Variants in TSBP1 observed in about 807,000 individuals in gnomAD.
The protein encoded by TSBP1 is testis expressed basic protein 1, also known as testis-expressed basic protein 1.
Under a neutral mutation model 68.8 loss-of-function variants are expected in TSBP1, and 56 were observed. The observed-to-expected ratio is 0.81, with a 90% CI of 0.66 to 1.02. The LOEUF (loss-of-function observed/expected upper bound fraction) is 1.02. Among genes scored for constraint, TSBP1 ranks in the 50% least tolerant of loss-of-function variants. The pLI is 0.00. For synonymous variants in TSBP1, 171 were observed against 208.7 expected (o/e 0.82, Z 1.56); for missense variants, 502 against 641.2 (o/e 0.78, Z 2.34).
rs1394057553 is a variant in TSBP1, at chr6:32,365,666, G to A, written c.217+501C>T. 1.1e-5 allele frequency: 5 copies of A among 453,390 alleles called. No homozygotes were observed. Among genetic ancestry groups the A allele is most frequent in the African/African-American group, 2.0e-5 (1 of 50,040 alleles). The allele number at this position is 453,390 out of a possible 1,614,324, so 28.1% of individuals were successfully genotyped here. A position where few individuals can be genotyped will look rare whatever the true frequency, so the allele number is the denominator to read the frequency against. On this transcript the variant is annotated intron_variant, in intron 6 of 22. Coordinates refer to ENST00000612031, the Ensembl canonical transcript of TSBP1. The surrounding 1 kb of genome is among the most constrained non-coding windows in gnomAD (Gnocchi z 4.3). ...AGTTCTGCACATTTTTTCTGTGGGAGAAATTGTGGGCCAAGTGGGTCTGTC... is the reference window on the plus strand; with the variant it reads ...AGTTCTGCACATTTTTTCTGTGGGAAAAATTGTGGGCCAAGTGGGTCTGTC...
At chr6:32,362,720 C>T (rs571962267) in intron 6 of TSBP1, among the ~76,000 whole-genome samples, 2 of 152,266 alleles carry the variant, frequency 1.3e-5, no homozygotes, top group African/African-American at 4.8e-5. Context: ...TTGCAAAGAC[C>T]AATGTCATGG....
rs927318940 is a variant in TSBP1, at chr6:32,348,495, A to T, written c.349+1245T>A. Reference sequence around the variant, plus strand: ...ATTTTATATTAATTTACATTTTAAGATTTTCAAATTACATTTTAAAAATTG... The same window carrying T: ...ATTTTATATTAATTTACATTTTAAGTTTTTCAAATTACATTTTAAAAATTG... On this transcript the variant is annotated intron_variant, in intron 9 of 22. Coordinates refer to ENST00000612031, the Ensembl canonical transcript of TSBP1. Among the ~76,000 whole-genome samples the T allele has an allele frequency of 4.6e-5, 6 of 129,954 alleles. 1 individual carries two copies. The highest frequency in any genetic ancestry group is 1.5e-4 in the Admixed American group (2 of 12,940). The allele number at this position is 129,954 out of a possible 152,430, so 85.3% of individuals were successfully genotyped here.
Position 32,336,676 on chromosome 6 carries a change from A to G in TSBP1, c.410-41T>C, listed in dbSNP as rs758484852. ...GAGGAAAGTGTGGTTTGACATTAATAGAATTTTCATTTTACCAGTATTGTT... is the reference window on the plus strand; with the variant it reads ...GAGGAAAGTGTGGTTTGACATTAATGGAATTTTCATTTTACCAGTATTGTT... On this transcript the variant is annotated intron_variant, in intron 11 of 22. Coordinates refer to ENST00000612031, the Ensembl canonical transcript of TSBP1. This position sits in a 1 kb window ranked among gnomAD's most constrained non-coding sequence, Gnocchi z 5.2. The G allele has an allele frequency of 6.3e-7, 1 of 1,588,958 alleles. No individual in the cohort carries two copies. Among genetic ancestry groups the G allele is most frequent in the Non-Finnish European group, 8.6e-7 (1 of 1,158,416 alleles).
At chr6:32,351,387 A>AGG (rs1176340889) in intron 8 of TSBP1, among the ~76,000 whole-genome samples, 2 of 152,166 alleles carry the variant, frequency 1.3e-5, no homozygotes, top group African/African-American at 4.8e-5. Context: ...TGCTGAGAGA[A>AGG]GGGCCATCCG....
chr6:32,337,017 G>A lies in TSBP1; in HGVS notation c.410-382C>T, dbSNP rs1769757129. Among the ~76,000 whole-genome samples the A allele has an allele frequency of 6.6e-6, 1 of 152,064 alleles. No individual in the cohort carries two copies. The highest frequency in any genetic ancestry group is 2.4e-5 in the African/African-American group (1 of 41,394). On this transcript the variant is annotated intron_variant, in intron 11 of 22. Coordinates refer to ENST00000612031, the Ensembl canonical transcript of TSBP1. The surrounding 1 kb of genome is among the most constrained non-coding windows in gnomAD (Gnocchi z 5.5). ...AAGTATGAGTGAGAAATCCTGCAGG[G>A]GTAGAAATGGTAACAGTTAGGATGT...
intron 1 of TSBP1, among the ~76,000 whole-genome samples, chr6:32,370,323 T>C (rs1393594372): frequency 6.6e-6 from 1 of 151,322 alleles, no homozygotes; most frequent in Non-Finnish European, 1.5e-5. Flanking sequence ...TCTACGAAGC[T>C]ATCCACTGGG....
At chr6:32,360,062 A>G (rs9268314) in intron 6 of TSBP1, among the ~76,000 whole-genome samples, 44,261 of 151,952 alleles carry the variant, frequency 0.29, 7,486 homozygotes, top group African/African-American at 0.44. Flanking sequence ...GAATATGTAA[A>G]ACCTACACTC....
chr6:32,349,501 C>G, intron 9 of TSBP1: 1 of 447,164 alleles, frequency 2.2e-6, no homozygotes, highest in East Asian at 3.6e-5. Context: ...TCTGTTTTTC[C>G]AACACTTCAG....
At chr6:32,330,674 A>ACACACACACACT in intron 15 of TSBP1, 65 bp from the exon 17 acceptor site, 4 of 1,429,702 alleles carry the variant, frequency 2.8e-6, no homozygotes, top group East Asian at 2.5e-5. Context: ...ACACACACAC[A>ACACACACACACT]CTTCTATTTT....
chr6:32,332,479 A>C (rs1319614292), intron 14 of TSBP1, among the ~76,000 whole-genome samples: 3 of 152,214 alleles, frequency 2.0e-5, no homozygotes, highest in Non-Finnish European at 4.4e-5. Flanking sequence ...TTAGAATAGG[A>C]GGTAAGAATC....
chr6:32,330,488 G>T (rs1391234641), intron 16 of TSBP1, 101 bp downstream of exon 17: 6 of 1,013,186 alleles, frequency 5.9e-6, no homozygotes, highest in Non-Finnish European at 8.8e-6. Flanking sequence ...TGCTCTTATG[G>T]CAGTGAGACA....
In TSBP1 at chr6:32,316,880, C is replaced by T. The variant is rs12661557; in HGVS notation, c.560-1088G>A. Among the ~76,000 whole-genome samples the T allele has an allele frequency of 0.14, 21,758 of 151,864 alleles. 1,734 individuals carry two copies. Among genetic ancestry groups the T allele is most frequent in the Admixed American group, 0.17 (2,656 of 15,234 alleles). On this transcript the variant is annotated intron_variant, in intron 18 of 22. Coordinates refer to ENST00000612031, the Ensembl canonical transcript of TSBP1. This position sits in a 1 kb window ranked among gnomAD's most constrained non-coding sequence, Gnocchi z 4.5. The stretch of plus-strand genomic sequence containing the variant: ...TTGGGAGGTCGAGGCAGGCGGATCA[C>T]GAGGTCAGGAGATCAAGACCATCCT...
At chr6:32,295,349 C>CAAA (rs3038432) in intron 22 of TSBP1, among the ~76,000 whole-genome samples, 1,313 of 90,566 alleles carry the variant, frequency 0.014, 35 homozygotes, top group Non-Finnish European at 0.025. Context: ...CACACACACA[C>CAAA]AAAAAAAAAA....
chr6:32,349,671 T>A, intron 9 of TSBP1, 69 bp downstream of exon 9: 1 of 937,360 alleles, frequency 1.1e-6, no homozygotes, highest in South Asian at 1.4e-5. Context: ...CTGGGAAGTT[T>A]AGGAAGATAT....
chr6:32,347,134 T>A (rs951261978), intron 9 of TSBP1, among the ~76,000 whole-genome samples: 1 of 150,476 alleles, frequency 6.6e-6, no homozygotes, highest in Admixed American at 6.7e-5. Flanking sequence ...ATAACATTTT[T>A]AAAAAACCAT....
At chr6:32,368,619 C>T (rs957338766) in intron 3 of TSBP1, among the ~76,000 whole-genome samples, 163 bp downstream of exon 3, 3 of 152,196 alleles carry the variant, frequency 2.0e-5, no homozygotes, top group Non-Finnish European at 4.4e-5. Context: ...GCTCAGAAAT[C>T]TCTGGTAGAT....
In TSBP1 at chr6:32,325,766, A is replaced by G. The variant is rs1414408411; in HGVS notation, c.515-2152T>C. On this transcript the variant is annotated intron_variant, in intron 16 of 22. Coordinates refer to ENST00000612031, the Ensembl canonical transcript of TSBP1. This position sits in a 1 kb window ranked among gnomAD's most constrained non-coding sequence, Gnocchi z 4.4. Reference sequence around the variant, plus strand: ...TGAAGTTAGGAAAGTCTGTCAAAGCAAGAGATGGCTAGTGCTCCATCCAGC... The same window carrying G: ...TGAAGTTAGGAAAGTCTGTCAAAGCGAGAGATGGCTAGTGCTCCATCCAGC... 8.7e-7 allele frequency: 1 copy of G among 1,148,336 alleles called. No individual in the cohort carries two copies. The highest frequency in any genetic ancestry group is 1.3e-6 in the Non-Finnish European group (1 of 770,248). 71.1% of individuals were successfully genotyped at this position (1,148,336 alleles called of 1,614,324 possible). A position where few individuals can be genotyped will look rare whatever the true frequency, so the allele number is the denominator to read the frequency against.
chr6:32,295,267 C>G (rs939658301), intron 22 of TSBP1, among the ~76,000 whole-genome samples: 1 of 141,388 alleles, frequency 7.1e-6, no homozygotes, highest in African/African-American at 2.6e-5. Context: ...ACCCGGGAGG[C>G]AGGGGTTGCA....
Position 32,306,059 on chromosome 6 carries a change from A to G in TSBP1, c.581-3430T>C, listed in dbSNP as rs118177105. On this transcript the variant is annotated intron_variant, in intron 19 of 22. Transcript: ENST00000612031. This position sits in a 1 kb window ranked among gnomAD's most constrained non-coding sequence, Gnocchi z 5.1. ...TTGGCAAGGGTCATAACACATTTGT[A>G]TGACAGTGAAACAGCAAAATAACTA... is the stretch of plus-strand genomic sequence containing the variant. 3.2e-3 allele frequency among the ~76,000 whole-genome samples: 493 copies of G among 152,364 alleles called. 16 individuals carry two copies. In the East Asian group the frequency reaches 0.069, roughly 21 times the overall value.
Sources: allele counts gnomAD v4.1 joint callset (sites outside exome capture counted in the v4.1 genomes callset), GRCh38; gene constraint gnomAD v4.1.1; non-coding constraint Gnocchi (gnomAD v3.1); transcripts MANE v1.5; gene names NCBI Gene and HGNC (gene_info 2026-07-23, HGNC 2026-07-21).